The following PACRG variants were observed in gnomAD, a reference collection of about 807,000 sequenced individuals.
PACRG encodes the protein parkin coregulated gene protein.
Under a neutral mutation model 29.7 loss-of-function variants are expected in PACRG, and 29 were observed. The ratio of observed to expected loss-of-function variants is 0.98; its 90% CI spans 0.73 to 1.33. The LOEUF (loss-of-function observed/expected upper bound fraction) is 1.33. PACRG is among the 40% of genes most tolerant of loss of function. PACRG has a pLI of 0.00. For synonymous variants in PACRG, 116 were observed against 118.7 expected (o/e 0.98, Z 0.15); for missense variants, 279 against 316.2 (o/e 0.88, Z 0.89).
At position 162,811,228 on chromosome 6, in the gene PACRG, T is replaced by C. The variant is rs555598430; in HGVS notation, c.157-2919T>C. 1.8e-4 allele frequency among the ~76,000 whole-genome samples: 27 copies of C among 152,200 alleles called. 1 individual carries two copies. The highest frequency in any genetic ancestry group is 6.5e-4 in the African/African-American group (27 of 41,546). On this transcript the variant is annotated intron_variant, in intron 1 of 4. Transcript: ENST00000366888. ...GGAAATGCAGAAGAAATCAATAAAA[T>C]TGGCCAACTTCTAGTAAGACAGACA...
At chr6:163,073,292 G>C (rs1812245526) in intron 3 of PACRG, among the ~76,000 whole-genome samples, 1 of 152,080 alleles carries the variant, frequency 6.6e-6, no homozygotes, top group South Asian at 2.1e-4. Context: ...TACATCTACA[G>C]TGAACTCATT....
At chr6:163,027,671 A>G (rs1807261064) in intron 2 of PACRG, among the ~76,000 whole-genome samples, 1 of 152,198 alleles carries the variant, frequency 6.6e-6, no homozygotes, top group South Asian at 2.1e-4. Flanking sequence ...CTTTAACCCC[A>G]GAAGACATCA....
rs139606382 is a variant in PACRG at position 163,065,742 on chromosome 6, G to A, written c.463+3421G>A. On this transcript the variant is annotated intron_variant, in intron 3 of 4. Transcript: ENST00000366888. ...GAAACAGAAGCAGAAATCCAGAAGA[G>A]GAGATTAGACTCAAATAAAAAGAAG... 6.7e-3 allele frequency among the ~76,000 whole-genome samples: 1,023 copies of A among 152,280 alleles called. 7 individuals are homozygous for A. The highest frequency in any genetic ancestry group is 0.017 in the Middle Eastern group (5 of 294).
intron 2 of PACRG, among the ~76,000 whole-genome samples, chr6:163,018,562 C>G (rs1245508920): frequency 2.0e-5 from 3 of 152,086 alleles, no homozygotes; most frequent in Non-Finnish European, 2.9e-5. Context: ...CCAATTTCTT[C>G]TGGTAGAAAG....
At chr6:162,958,884 TAGAGAGAGAGAGAGAGAGAGAGAGAG>T (rs200270873) in intron 2 of PACRG, among the ~76,000 whole-genome samples, 64 of 21,160 alleles carry the variant, frequency 3.0e-3, no homozygotes, top group African/African-American at 9.4e-3. Flanking sequence ...TATATATATA[TAGAGAGAGAGAGAGAGAGAGAGAGAG>T]AGAGAGAGAG....
At chr6:163,219,134 C>G (rs1238908794) in intron 4 of PACRG, among the ~76,000 whole-genome samples, 1 of 152,218 alleles carries the variant, frequency 6.6e-6, no homozygotes, top group Non-Finnish European at 1.5e-5. Flanking sequence ...CGCCGCCTCA[C>G]TATTCCTATT....
In PACRG at chr6:162,977,418, C is replaced by A. The variant is rs202082212; in HGVS notation, c.292-84732C>A. 2.9e-4 allele frequency among the ~76,000 whole-genome samples: 41 copies of A among 139,208 alleles called. 1 individual carries two copies. Among genetic ancestry groups the A allele is most frequent in the African/African-American group, 6.5e-4 (25 of 38,264 alleles). The allele number at this position is 139,208 out of a possible 152,430, so 91.3% of individuals were successfully genotyped here. On this transcript the variant is annotated intron_variant, in intron 2 of 4. Transcript: ENST00000366888. ...TAAAATTTCAAATTAAAAAAAAAAA[C>A]CAGCAATAAGTCCTAGCAACGGCTG... is the stretch of plus-strand genomic sequence containing the variant.
chr6:162,876,676 G>C (rs1015510829), intron 2 of PACRG, among the ~76,000 whole-genome samples: 9 of 152,186 alleles, frequency 5.9e-5, no homozygotes, highest in Admixed American at 2.0e-4. Flanking sequence ...TCACTCTGAT[G>C]ATAGTTTCTT....
Position 162,853,277 on chromosome 6 carries a change from A to G in PACRG, c.291+38996A>G, listed in dbSNP as rs2128428707. 6.6e-6 allele frequency among the ~76,000 whole-genome samples: 1 copy of G among 152,362 alleles called. No individual in the cohort carries two copies. Among genetic ancestry groups the G allele is most frequent in the African/African-American group, 2.4e-5 (1 of 41,586 alleles). ...TATGCCAAAGCTTTGTGTACCCAGT[A>G]TAAAAATCTCTGCTCCAGAATGGCT... On this transcript the variant is annotated intron_variant, in intron 2 of 4. Coordinates refer to ENST00000366888, the MANE Select transcript of PACRG (RefSeq NM_001080379.2). The surrounding 1 kb of genome is among the most constrained non-coding windows in gnomAD (Gnocchi z 4.7).
At chr6:162,986,408 A>G (rs1175659577) in intron 2 of PACRG, among the ~76,000 whole-genome samples, 1 of 152,162 alleles carries the variant, frequency 6.6e-6, no homozygotes, top group Non-Finnish European at 1.5e-5. Context: ...ATAAAGCCAA[A>G]TACTTACAGC....
intron 2 of PACRG, among the ~76,000 whole-genome samples, chr6:162,961,644 T>C (rs950807832): frequency 6.6e-6 from 1 of 152,174 alleles, no homozygotes; most frequent in African/African-American, 2.4e-5. Context: ...TTTTGAATGG[T>C]GGCACCACCT....
rs182803588 is a variant in PACRG, at chr6:163,210,239, T to G, written c.614-104588T>G. 6.6e-5 allele frequency among the ~76,000 whole-genome samples: 10 copies of G among 152,352 alleles called. No individual in the cohort carries two copies. The East Asian group carries it at 1.9e-3, about 29-fold the overall frequency. On this transcript the variant is annotated intron_variant, in intron 4 of 4. Transcript: ENST00000366888. Reference sequence around the variant, plus strand: ...TCTGCTCTTTAATGGACTTTACCTGTGACCCAAATATATTCCTTCTAAAGC... The same window carrying G: ...TCTGCTCTTTAATGGACTTTACCTGGGACCCAAATATATTCCTTCTAAAGC...
chr6:163,146,621 C>T (rs1331383542), intron 4 of PACRG, among the ~76,000 whole-genome samples: 3 of 152,204 alleles, frequency 2.0e-5, no homozygotes, highest in African/African-American at 7.2e-5. Flanking sequence ...AAAATGGCTT[C>T]ATCCTGTTCA....
At chr6:162,995,429 G>A (rs530836764) in intron 2 of PACRG, among the ~76,000 whole-genome samples, 1 of 152,194 alleles carries the variant, frequency 6.6e-6, no homozygotes, top group African/African-American at 2.4e-5. Context: ...CCAGGTGTGG[G>A]ATATAGTCTC....
At chr6:163,225,534 A>T (rs1781756005) in intron 4 of PACRG, among the ~76,000 whole-genome samples, 1 of 152,244 alleles carries the variant, frequency 6.6e-6, no homozygotes, top group Admixed American at 6.5e-5. Context: ...GTATCTTTAT[A>T]GCAGTGTGAG....
chr6:163,027,691 C>T (rs1013505281), intron 2 of PACRG, among the ~76,000 whole-genome samples: 18 of 152,264 alleles, frequency 1.2e-4, no homozygotes, highest in African/African-American at 2.4e-4. Flanking sequence ...ACGTCAGGTT[C>T]GGCAGAGAGC....
chr6:162,730,422 C>G (rs755889718), intron 1 of PACRG, among the ~76,000 whole-genome samples: 6 of 152,082 alleles, frequency 3.9e-5, no homozygotes, highest in Non-Finnish European at 8.8e-5. Flanking sequence ...CAAGAGCCAA[C>G]ACCCTCCAAA....
At chr6:163,001,710 T>A (rs1397342792) in intron 2 of PACRG, among the ~76,000 whole-genome samples, 1 of 152,230 alleles carries the variant, frequency 6.6e-6, no homozygotes, top group Non-Finnish European at 1.5e-5. Context: ...CATTATATGA[T>A]CTTGTTTGTG....
Position 162,797,289 on chromosome 6 carries a change from A to C in PACRG, c.157-16858A>C, listed in dbSNP as rs564772100. Among the ~76,000 whole-genome samples the C allele has an allele frequency of 2.6e-4, 40 of 152,180 alleles. 1 individual carries two copies. The highest frequency in any genetic ancestry group is 3.4e-4 in the Non-Finnish European group (23 of 68,020). On this transcript the variant is annotated intron_variant, in intron 1 of 4. Coordinates refer to ENST00000366888, the MANE Select transcript of PACRG (RefSeq NM_001080379.2). ...TCTCAAAAACCAAACCAAACAAAAA[A>C]AACAACAACAACAGAAAAAAACCTA...
Sources: allele counts gnomAD v4.1 joint callset (sites outside exome capture counted in the v4.1 genomes callset), GRCh38; gene constraint gnomAD v4.1.1; non-coding constraint Gnocchi (gnomAD v3.1); transcripts MANE v1.5; gene names NCBI Gene and HGNC (gene_info 2026-07-23, HGNC 2026-07-21).